Variants in TBC1D22A observed in about 807,000 individuals in gnomAD.
TBC1D22A encodes the protein putative GTPase activator.
TBC1D22A carries 38 observed loss-of-function variants against 60.2 expected under a neutral mutation model. That is an observed-to-expected ratio of 0.63 (90% CI 0.49 to 0.83). The LOEUF is 0.83. Among genes scored for constraint, TBC1D22A ranks in the 40% least tolerant of loss-of-function variants. TBC1D22A has a pLI of 0.00. For synonymous variants in TBC1D22A, 302 were observed against 281.7 expected, an observed-to-expected ratio of 1.07 and a Z score of -0.72; for missense variants, 628 against 701.0, an observed-to-expected ratio of 0.90 and a Z score of 1.18.
At chr22:46,891,621 G>C (rs1308064854) in intron 6 of TBC1D22A, among the ~76,000 whole-genome samples, 1 of 152,186 alleles carries the variant, frequency 6.6e-6, no homozygotes, top group Non-Finnish European at 1.5e-5. Flanking sequence ...CTCTACAAAA[G>C]TAAAAAGAGT....
chr22:46,768,423 T>C (rs563740538), intron 1 of TBC1D22A, among the ~76,000 whole-genome samples: 1 of 142,914 alleles, frequency 7.0e-6, no homozygotes, highest in Non-Finnish European at 1.5e-5. Flanking sequence ...AGGCAGAGGT[T>C]GCAGTGAGCC....
At chr22:47,020,812 A>G (rs1299225798) in intron 10 of TBC1D22A, among the ~76,000 whole-genome samples, 2 of 152,132 alleles carry the variant, frequency 1.3e-5, no homozygotes, top group African/African-American at 4.8e-5. Flanking sequence ...TCGATGGAAC[A>G]TGGGATTGTA....
chr22:47,075,714 A>G (rs739012), intron 11 of TBC1D22A, among the ~76,000 whole-genome samples: 68,736 of 152,048 alleles, frequency 0.45, 16,000 homozygotes, highest in East Asian at 0.58. Context: ...TAGTTATTTA[A>G]ATAAATGTAA....
intron 12 of TBC1D22A, among the ~76,000 whole-genome samples, chr22:47,164,695 C>T (rs1346536922): frequency 6.6e-6 from 1 of 152,202 alleles, no homozygotes; most frequent in Non-Finnish European, 1.5e-5. Context: ...GGGCCAAGCA[C>T]AATCTGCGGG....
At chr22:46,914,527 G>A (rs73478589) in intron 8 of TBC1D22A, 13,048 of 152,076 alleles carry the variant, frequency 0.086, 1,046 homozygotes, top group African/African-American at 0.21. Flanking sequence ...TAGGTTTGGG[G>A]AATGTTCATT....
chr22:46,810,868 G>C (rs990744181), intron 4 of TBC1D22A, among the ~76,000 whole-genome samples: 6 of 152,232 alleles, frequency 3.9e-5, no homozygotes, highest in Non-Finnish European at 8.8e-5. Context: ...CCTCCTGGGA[G>C]ATAGGAGACA....
chr22:46,827,562 A>G (rs2086124716), intron 4 of TBC1D22A, among the ~76,000 whole-genome samples: 1 of 152,202 alleles, frequency 6.6e-6, no homozygotes, highest in Non-Finnish European at 1.5e-5. Flanking sequence ...TCTCGTATCA[A>G]AACGAGTCCT....
chr22:47,149,255 C>G (rs925989138), intron 12 of TBC1D22A, among the ~76,000 whole-genome samples: 2 of 152,164 alleles, frequency 1.3e-5, no homozygotes, highest in Non-Finnish European at 2.9e-5. Context: ...GAGGTGAGCT[C>G]ACGGCCCGGC....
chr22:47,002,983 T>C (rs8138423), intron 10 of TBC1D22A, among the ~76,000 whole-genome samples: 2,737 of 152,244 alleles, frequency 0.018, 66 homozygotes, highest in African/African-American at 0.054. Context: ...GCCATGTGCC[T>C]TCTGAGTTTT....
intron 4 of TBC1D22A, among the ~76,000 whole-genome samples, chr22:46,829,860 A>G (rs1420420645): frequency 6.6e-6 from 1 of 152,176 alleles, no homozygotes; most frequent in Non-Finnish European, 1.5e-5. Flanking sequence ...ATTTTGTAGG[A>G]ACTGTGTGTG....
chr22:46,838,808 A>G (rs905531616), intron 4 of TBC1D22A, among the ~76,000 whole-genome samples: 1 of 152,234 alleles, frequency 6.6e-6, no homozygotes, highest in African/African-American at 2.4e-5. Flanking sequence ...GAGAAAAATT[A>G]TATCATCTCA....
rs2086160797 is a variant in TBC1D22A at position 46,828,348 on chromosome 22, C to T, written c.637+30728C>T. 1.3e-5 allele frequency among the ~76,000 whole-genome samples: 2 copies of T among 152,242 alleles called. 1 individual carries two copies. The highest frequency in any genetic ancestry group is 4.1e-4 in the South Asian group (2 of 4,832). On this transcript the variant is annotated intron_variant, in intron 4 of 12. Coordinates refer to ENST00000337137, the MANE Select transcript of TBC1D22A (RefSeq NM_014346.5). Reference sequence around the variant, plus strand: ...TTGAAAAGGCAAGAAGCCTTTGAAGCAGCCTGTTGTCCTCTTAGTTGTTCA... The same window carrying T: ...TTGAAAAGGCAAGAAGCCTTTGAAGTAGCCTGTTGTCCTCTTAGTTGTTCA...
intron 9 of TBC1D22A, among the ~76,000 whole-genome samples, chr22:46,995,629 G>T (rs2075096949): frequency 6.6e-6 from 1 of 152,140 alleles, no homozygotes; most frequent in African/African-American, 2.4e-5. Flanking sequence ...TCAGCTCCAC[G>T]TTTGTCTTAC....
intron 12 of TBC1D22A, among the ~76,000 whole-genome samples, chr22:47,125,472 C>T (rs2066421066): frequency 6.6e-6 from 1 of 152,186 alleles, no homozygotes; most frequent in East Asian, 1.9e-4. Context: ...AAATTATACC[C>T]CTCATTATGA....
intron 10 of TBC1D22A, among the ~76,000 whole-genome samples, chr22:47,032,060 G>A (rs748773818): frequency 6.6e-6 from 1 of 152,244 alleles, no homozygotes; most frequent in Non-Finnish European, 1.5e-5. Flanking sequence ...CAGGCCCGTG[G>A]TAGAGTTGTC....
chr22:47,044,886 T>C (rs555101514), intron 11 of TBC1D22A, among the ~76,000 whole-genome samples: 116 of 152,356 alleles, frequency 7.6e-4, no homozygotes, highest in Middle Eastern at 3.4e-3. Context: ...TTGCTTTTTA[T>C]TGGGGCTCGA....
intron 12 of TBC1D22A, among the ~76,000 whole-genome samples, chr22:47,113,084 C>A (rs1438634937): frequency 6.6e-6 from 1 of 152,188 alleles, no homozygotes; most frequent in African/African-American, 2.4e-5. Flanking sequence ...GCTGGCTGGG[C>A]AGGCAGCAGG....
intron 12 of TBC1D22A, among the ~76,000 whole-genome samples, chr22:47,141,935 G>A (rs946392474): frequency 4.6e-5 from 7 of 152,298 alleles, no homozygotes; most frequent in African/African-American, 9.6e-5. Context: ...GGCATGAAAC[G>A]TATTTGGATT....
At chr22:46,965,137 G>T (rs1214533117) in intron 8 of TBC1D22A, among the ~76,000 whole-genome samples, 1 of 152,272 alleles carries the variant, frequency 6.6e-6, no homozygotes, top group African/African-American at 2.4e-5. Context: ...AGCTCTTCCA[G>T]TTAGCACTTT....
Sources: allele counts gnomAD v4.1 joint callset (sites outside exome capture counted in the v4.1 genomes callset), GRCh38; gene constraint gnomAD v4.1.1; transcripts MANE v1.5; gene names NCBI Gene and HGNC (gene_info 2026-07-23, HGNC 2026-07-21).